The following ARMC10 variants were observed in gnomAD, a reference collection of about 807,000 sequenced individuals.
The protein encoded by ARMC10 is armadillo repeat containing 10, also known as armadillo repeat-containing protein 10.
A neutral mutation model predicts 30.2 loss-of-function variants in ARMC10; 23 were observed. The ratio of observed to expected loss-of-function variants is 0.76; its 90% CI spans 0.55 to 1.08. ARMC10 has a LOEUF of 1.08. Ranked by LOEUF, ARMC10 falls within the 50% of genes least tolerant of loss-of-function variation. The probability of loss-of-function intolerance (pLI) is 0.00; values close to 1 mark genes in which losing one functional copy is unlikely to be tolerated. For synonymous variants in ARMC10, 111 were observed against 164.4 expected (o/e 0.68, Z 2.48); for missense variants, 303 against 413.7 (o/e 0.73, Z 2.32).
chr7:103,091,976 CTG>C (rs1489506469), intron 4 of ARMC10, among the ~76,000 whole-genome samples: 1 of 152,226 alleles, frequency 6.6e-6, no homozygotes, highest in Admixed American at 6.5e-5. Context: ...ATGCTAAGCA[CTG>C]TGCCTGGAAT....
Position 103,075,871 on chromosome 7 carries a change from C to T in ARMC10, c.234C>T (p.Thr78=). The change falls in exon 2 of 7, where the codon ACC becomes ACT. Residue 78 remains threonine, a synonymous_variant. Coordinates refer to ENST00000323716, the MANE Select transcript of ARMC10 (RefSeq NM_031905.5). ...GGTWESQWSK[T]SQPEDLTDGS... ...CCTGGGAGTCACAGTGGTCCAAGAC[C>T]TCGCAGCCTGGTGTGTGTTTTGGAA... is the stretch of plus-strand genomic sequence containing the variant. 13 of 1,600,724 alleles carry T rather than the reference C, an allele frequency of 8.1e-6. No homozygotes were observed. Among genetic ancestry groups the T allele is most frequent in the Non-Finnish European group, 1.1e-5 (13 of 1,172,820 alleles).
intron 4 of ARMC10, chr7:103,088,752 A>G (rs1801066202): frequency 5.3e-6 from 1 of 188,824 alleles, no homozygotes; most frequent in Non-Finnish European, 1.2e-5. Flanking sequence ...ATATAGTGAG[A>G]ACTTATTACA....
Position 103,083,780 on chromosome 7 carries a change from G to C in ARMC10, c.343G>C (p.Glu115Gln), listed in dbSNP as rs1390361171. The C allele has an allele frequency of 6.2e-7, 1 of 1,614,092 alleles. No individual in the cohort carries two copies. ...LESTEDPVII[E>Q]RALITLGNNA... ...GTCAACGGAGGATCCTGTAATTATTGAAAGAGCTTTGATTACTTTGGGTAA... is the reference window on the plus strand; with the variant it reads ...GTCAACGGAGGATCCTGTAATTATTCAAAGAGCTTTGATTACTTTGGGTAA... Residue 115 changes from glutamate (E) to glutamine (Q), a missense_variant, in exon 3 of 7, where the codon GAA (glutamate) becomes CAA (glutamine). By Grantham distance (29) the Glu-to-Gln change is conservative (BLOSUM62 2). Transcript: ENST00000323716.
At chr7:103,085,606 C>CTTTTTTTTTTTTTTTTTTTTT (rs10581217) in intron 3 of ARMC10, among the ~76,000 whole-genome samples, 1 of 130,584 alleles carries the variant, frequency 7.7e-6, no homozygotes, top group African/African-American at 2.8e-5. Flanking sequence ...CATTTCTCTT[C>CTTTTTTTTTTTTTTTTTTTTT]TTTTTTTTTT....
rs746492899 is a variant in ARMC10, at chr7:103,097,346, CAAGTA to C, written c.777+1_777+5del. 6.2e-7 allele frequency: 1 copy of C among 1,603,032 alleles called. No individual in the cohort carries two copies. Among genetic ancestry groups the C allele is most frequent in the Non-Finnish European group, 8.5e-7 (1 of 1,170,464 alleles). Reference sequence around the variant, plus strand: ...CATGACAGAAGGACTTCTCCGTGCCCAAGTAAATAGCTTATATATTTATTTTGTAA... The same window carrying C: ...CATGACAGAAGGACTTCTCCGTGCCCAATAGCTTATATATTTATTTTGTAA... On this transcript the variant is annotated splice_donor_variant and splice_donor_region_variant and coding_sequence_variant and intron_variant, in exon 6 of 7. Coordinates refer to ENST00000323716, the MANE Select transcript of ARMC10 (RefSeq NM_031905.5). LOFTEE classifies it high-confidence loss of function.
Position 103,075,777 on chromosome 7 carries a change from G to A in ARMC10, c.140G>A (p.Gly47Asp). 4 of 1,605,944 alleles carry A rather than the reference G, an allele frequency of 2.5e-6. No individual in the cohort carries two copies. Among genetic ancestry groups the A allele is most frequent in the Non-Finnish European group, 3.4e-6 (4 of 1,176,414 alleles). ...ELGIRSSKSA[G>D]ALEEGTSEGQ... Reference sequence around the variant, plus strand: ...GCCATAGGTCAATCTCTGCTTGCAGGTGCCCTGGAAGAAGGGACGTCAGAG... The same window carrying A: ...GCCATAGGTCAATCTCTGCTTGCAGATGCCCTGGAAGAAGGGACGTCAGAG... Residue 47 changes from glycine (G) to aspartate (D), a missense_variant and splice_region_variant, in exon 2 of 7, where the codon GGT becomes GAT. Coordinates refer to ENST00000323716, the MANE Select transcript of ARMC10 (RefSeq NM_031905.5).
Position 103,098,693 on chromosome 7 carries a change from G to A in ARMC10, c.*140G>A. 2 of 1,387,640 alleles carry A rather than the reference G, an allele frequency of 1.4e-6. No individual in the cohort carries two copies. Among genetic ancestry groups the A allele is most frequent in the Non-Finnish European group, 1.9e-6 (2 of 1,045,250 alleles). The allele number at this position is 1,387,640 out of a possible 1,614,324, so 86.0% of individuals were successfully genotyped here. A position where few individuals can be genotyped will look rare whatever the true frequency, so the allele number is the denominator to read the frequency against. On this transcript the variant is annotated 3_prime_UTR_variant, in exon 7 of 7. Coordinates refer to ENST00000323716, the MANE Select transcript of ARMC10 (RefSeq NM_031905.5). ...ATTAACACAGCTATAACTTGCCGTGGTTCTCAGATTTATTTTGGACTATTT... is the reference window on the plus strand; with the variant it reads ...ATTAACACAGCTATAACTTGCCGTGATTCTCAGATTTATTTTGGACTATTT...
chr7:103,082,361 A>G (rs1431973659), intron 2 of ARMC10, among the ~76,000 whole-genome samples: 1 of 151,176 alleles, frequency 6.6e-6, no homozygotes, highest in Non-Finnish European at 1.5e-5. Context: ...TCTTTGAGCA[A>G]TATACTTAGT....
chr7:103,092,899 T>C (rs561276998), intron 5 of ARMC10, among the ~76,000 whole-genome samples: 4 of 152,336 alleles, frequency 2.6e-5, no homozygotes, highest in South Asian at 2.1e-4. Context: ...CCACCAAATA[T>C]AGGAACATTG....
chr7:103,083,425 C>G (rs1445606579), intron 2 of ARMC10, among the ~76,000 whole-genome samples: 1 of 152,130 alleles, frequency 6.6e-6, no homozygotes, highest in African/African-American at 2.4e-5. Context: ...TTGAGACCAG[C>G]CTGGGCAACA....
chr7:103,097,237 G>A (rs750202579), intron 5 of ARMC10, 40 bp from the exon 6 acceptor site: 13 of 1,536,078 alleles, frequency 8.5e-6, no homozygotes, highest in Non-Finnish European at 1.2e-5. Flanking sequence ...GAAAATTCAT[G>A]CTTGCCAGTC....
In ARMC10 at chr7:103,092,460, T is replaced by G. The variant is rs746944905; in HGVS notation, c.529-17T>G. Reference sequence around the variant, plus strand: ...TTTGGAGATTCTAAGATGCTCATTTTCCTCCCCTGCCTTCAGATATACATC... The same window carrying G: ...TTTGGAGATTCTAAGATGCTCATTTGCCTCCCCTGCCTTCAGATATACATC... On this transcript the variant is annotated splice_polypyrimidine_tract_variant and intron_variant, in intron 4 of 6. Coordinates refer to ENST00000323716, the MANE Select transcript of ARMC10 (RefSeq NM_031905.5). 5 of 1,531,342 alleles carry G rather than the reference T, an allele frequency of 3.3e-6. No homozygotes were observed. The African/African-American group carries it at 6.8e-5, about 21-fold the overall frequency. The allele number at this position is 1,531,342 out of a possible 1,614,324, so 94.9% of individuals were successfully genotyped here. A position where few individuals can be genotyped will look rare whatever the true frequency, so the allele number is the denominator to read the frequency against.
At chr7:103,096,964 A>G (rs2193418) in intron 5 of ARMC10, 313,697 of 336,568 alleles carry the variant, frequency 0.93, 150,005 homozygotes, top group East Asian at 1. Flanking sequence ...CTCTGTGATA[A>G]GTTCTCTAAG....
chr7:103,086,515 G>T, intron 3 of ARMC10, 115 bp from the exon 4 acceptor site: 2 of 1,148,816 alleles, frequency 1.7e-6, no homozygotes, highest in Admixed American at 5.3e-5. Context: ...ATATGGGAAA[G>T]AGATTTCCAA....
At chr7:103,086,799 T>G in intron 4 of ARMC10, 35 bp downstream of exon 4, 1 of 1,585,606 alleles carries the variant, frequency 6.3e-7, no homozygotes, top group African/African-American at 1.4e-5. Flanking sequence ...GTATAAGGTT[T>G]TCTATAAATA....
rs1040274140 is a variant in ARMC10 at position 103,080,915 on chromosome 7, C to T, written c.245-2767C>T. Among the ~76,000 whole-genome samples the T allele has an allele frequency of 1.4e-4, 22 of 152,126 alleles. 1 individual carries two copies. The highest frequency in any genetic ancestry group is 9.2e-4 in the Admixed American group (14 of 15,284). On this transcript the variant is annotated intron_variant, in intron 2 of 6. Transcript: ENST00000323716. ...TGCTGGGATTACAGGTGTGAGCCACCGCATTCAGCTAGGCTCATTATATTA... is the reference window on the plus strand; with the variant it reads ...TGCTGGGATTACAGGTGTGAGCCACTGCATTCAGCTAGGCTCATTATATTA...
chr7:103,093,285 C>T (rs958196354), intron 5 of ARMC10, among the ~76,000 whole-genome samples: 2 of 152,178 alleles, frequency 1.3e-5, no homozygotes, highest in African/African-American at 4.8e-5. Flanking sequence ...GATTGTTCAT[C>T]AAGGCTTTTT....
chr7:103,086,626 G>C lies in ARMC10; in HGVS notation c.394-4G>C. ...CTGCTTTTTTTTTTTTTTTCCCCTCGTAGGCTATTATTCGTGAATTGGGTG... is the reference window on the plus strand; with the variant it reads ...CTGCTTTTTTTTTTTTTTTCCCCTCCTAGGCTATTATTCGTGAATTGGGTG... On this transcript the variant is annotated splice_polypyrimidine_tract_variant and splice_region_variant and intron_variant, in intron 3 of 6. Transcript: ENST00000323716. 5.8e-6 allele frequency: 9 copies of C among 1,558,956 alleles called. No individual in the cohort carries two copies. Among genetic ancestry groups the C allele is most frequent in the Non-Finnish European group, 6.9e-6 (8 of 1,164,526 alleles).
chr7:103,090,797 C>CG (rs1307837971), intron 4 of ARMC10, among the ~76,000 whole-genome samples: 2 of 151,530 alleles, frequency 1.3e-5, no homozygotes, highest in African/African-American at 4.9e-5. Context: ...ACTCAGGAGT[C>CG]TGAGACAGGG....
Sources: allele counts gnomAD v4.1 joint callset (sites outside exome capture counted in the v4.1 genomes callset), GRCh38; gene constraint gnomAD v4.1.1; transcripts MANE v1.5; gene names NCBI Gene and HGNC (gene_info 2026-07-23, HGNC 2026-07-21).